Variants in UBE2D3 observed in about 807,000 individuals in gnomAD.
The protein encoded by UBE2D3 is ubiquitin conjugating enzyme E2 D3.
In UBE2D3, 2 loss-of-function variants were observed where a neutral mutation model predicts 22.8. The observed-to-expected ratio is 0.09, with a 90% confidence interval of 0.04 to 0.28. UBE2D3 has a LOEUF of 0.28. Among genes scored for constraint, UBE2D3 ranks in the 10% least tolerant of loss-of-function variants. UBE2D3 has a pLI of 1.00. For synonymous variants in UBE2D3, 56 were observed against 60.4 expected, an observed-to-expected ratio of 0.93 and a Z score of 0.34; for missense variants, 27 against 182.5, an observed-to-expected ratio of 0.15 and a Z score of 4.91.
In UBE2D3 at chr4:102,859,847, ATTTG is replaced by A. The variant is rs1207695867; in HGVS notation, c.-129+8864_-129+8867del. Among the ~76,000 whole-genome samples the A allele has an allele frequency of 2.0e-4, 29 of 143,852 alleles. 2 individuals are homozygous for A. Among genetic ancestry groups the A allele is most frequent in the African/African-American group, 4.0e-4 (16 of 40,188 alleles). 94.4% of individuals were successfully genotyped at this position (143,852 alleles called of 152,430 possible). On this transcript the variant is annotated intron_variant, in intron 1 of 7. Transcript: ENST00000338145. ...TTGTGTTCTTTAGTTTCAGAATTTG[ATTTG>A]TTTTTTTTTTTTGATATGGAGTCTC...
chr4:102,817,554 A>G (rs1728950256), intron 2 of UBE2D3, among the ~76,000 whole-genome samples: 1 of 152,198 alleles, frequency 6.6e-6, no homozygotes, highest in Non-Finnish European at 1.5e-5. Flanking sequence ...AAGTTTCAAA[A>G]AGGTTCCTTT....
chr4:102,848,557 A>G (rs1229536847), intron 1 of UBE2D3, among the ~76,000 whole-genome samples: 1 of 152,164 alleles, frequency 6.6e-6, no homozygotes, highest in South Asian at 2.1e-4. Context: ...AGACAGGAGA[A>G]TCGCATGAAC....
intron 6 of UBE2D3, 84 bp downstream of exon 6, chr4:102,801,370 A>G (rs1726129946): frequency 1.2e-5 from 14 of 1,203,156 alleles, no homozygotes; most frequent in African/African-American, 4.8e-5. Context: ...AAAAGCTGCC[A>G]TAATAAAAAT....
At chr4:102,846,780 C>T (rs1482841683) in intron 1 of UBE2D3, among the ~76,000 whole-genome samples, 2 of 151,950 alleles carry the variant, frequency 1.3e-5, no homozygotes, top group African/African-American at 4.8e-5. Flanking sequence ...GCTGGGACTA[C>T]AGGCGCAAAC....
At chr4:102,805,750 C>T (rs1726925549) in intron 4 of UBE2D3, among the ~76,000 whole-genome samples, 1 of 152,174 alleles carries the variant, frequency 6.6e-6, no homozygotes, top group Admixed American at 6.5e-5. Context: ...TTATTCATTC[C>T]AGGGCATATA....
chr4:102,838,807 CAAAAAAAAAAAAAA>C lies in UBE2D3; in HGVS notation c.-128-12185_-128-12172del, dbSNP rs145975514. Among the ~76,000 whole-genome samples the C allele has an allele frequency of 7.7e-4, 42 of 54,324 alleles. 1 individual carries two copies. The highest frequency in any genetic ancestry group is 2.9e-3 in the African/African-American group (40 of 13,632). 35.6% of individuals were successfully genotyped at this position (54,324 alleles called of 152,430 possible). The stretch of plus-strand genomic sequence containing the variant: ...GGATGCTAAACAAAACTGTGCTGGG[CAAAAAAAAAAAAAA>C]AAAAAAAAAAGAGGAAAAGGAAAGG... On this transcript the variant is annotated intron_variant, in intron 1 of 7. Transcript: ENST00000338145.
At chr4:102,865,403 G>A (rs223336) in intron 1 of UBE2D3, among the ~76,000 whole-genome samples, 86,906 of 150,824 alleles carry the variant, frequency 0.58, 26,267 homozygotes, top group African/African-American at 0.78. Context: ...GAGGCAGGAG[G>A]ATCACTTGAA....
chr4:102,833,156 T>G lies in UBE2D3; in HGVS notation c.-128-6520A>C, dbSNP rs552298263. On this transcript the variant is annotated intron_variant, in intron 1 of 7. Transcript: ENST00000338145. ...ACATGTGCTACATGTTTTTTTTTTT[T>G]GCAAATCAAATCTCCTCTTGAAACT... Among the ~76,000 whole-genome samples the G allele has an allele frequency of 9.2e-5, 14 of 151,936 alleles. No homozygotes were observed. The South Asian group carries it at 2.9e-3, about 32-fold the overall frequency.
chr4:102,822,007 T>C (rs552837358), intron 2 of UBE2D3, among the ~76,000 whole-genome samples: 2 of 152,358 alleles, frequency 1.3e-5, no homozygotes, highest in South Asian at 4.1e-4. Context: ...TTTTAATAGA[T>C]AGATTATAGC....
At chr4:102,858,519 A>G (rs891494720) in intron 1 of UBE2D3, among the ~76,000 whole-genome samples, 1 of 151,902 alleles carries the variant, frequency 6.6e-6, no homozygotes, top group Admixed American at 6.6e-5. Context: ...CTCTAGGAGT[A>G]TCAAATGAAG....
At chr4:102,832,449 G>A (rs1274546080), upstream of UBE2D3, among the ~76,000 whole-genome samples, 3 of 152,132 alleles carry the variant, frequency 2.0e-5, no homozygotes, top group Non-Finnish European at 2.9e-5. Flanking sequence ...AACAAAAATG[G>A]CCTGATCAGA....
chr4:102,848,808 G>T (rs1732179630), intron 1 of UBE2D3, among the ~76,000 whole-genome samples: 1 of 151,926 alleles, frequency 6.6e-6, no homozygotes, highest in African/African-American at 2.4e-5. Context: ...AATAGAGTGA[G>T]ACCTTGTCTC....
chr4:102,859,227 T>C (rs553412153), intron 1 of UBE2D3, among the ~76,000 whole-genome samples: 1 of 152,124 alleles, frequency 6.6e-6, no homozygotes, highest in Middle Eastern at 3.4e-3. Flanking sequence ...ATTTTGAGTA[T>C]ATCATCCCAT....
At chr4:102,798,068 G>GTGGTAAC (rs1725481978) in intron 7 of UBE2D3, among the ~76,000 whole-genome samples, 1 of 151,644 alleles carries the variant, frequency 6.6e-6, no homozygotes, top group Non-Finnish European at 1.5e-5. Flanking sequence ...TTTAATAAGT[G>GTGGTAAC]TGGTAACTGA....
intron 2 of UBE2D3, chr4:102,812,591 C>A (rs1728205524): frequency 6.6e-6 from 1 of 152,176 alleles, no homozygotes. Flanking sequence ...AACTGAGGAA[C>A]TGAACAAATC....
intron 1 of UBE2D3, among the ~76,000 whole-genome samples, chr4:102,857,221 T>C (rs954367464): frequency 6.6e-6 from 1 of 152,328 alleles, no homozygotes; most frequent in South Asian, 2.1e-4. Context: ...AAAAAGTCTT[T>C]GAAAAAACTT....
At chr4:102,853,681 A>C (rs1372073955) in intron 1 of UBE2D3, among the ~76,000 whole-genome samples, 2 of 152,188 alleles carry the variant, frequency 1.3e-5, no homozygotes, top group African/African-American at 4.8e-5. Context: ...TATTAATGGG[A>C]TAGGTGGTGG....
At chr4:102,867,910 T>A (rs578096484) in intron 1 of UBE2D3, among the ~76,000 whole-genome samples, 34 of 151,560 alleles carry the variant, frequency 2.2e-4, no homozygotes, top group East Asian at 3.9e-4. Flanking sequence ...TGAAAAAAAA[T>A]TTTTTTTTAG....
At chr4:102,860,223 C>A (rs1448514013) in intron 1 of UBE2D3, among the ~76,000 whole-genome samples, 2 of 151,696 alleles carry the variant, frequency 1.3e-5, no homozygotes, top group Non-Finnish European at 3.0e-5. Context: ...TCGTTTAGCT[C>A]ACTGAGATTC....
Sources: allele counts gnomAD v4.1 joint callset (sites outside exome capture counted in the v4.1 genomes callset), GRCh38; gene constraint gnomAD v4.1.1; transcripts MANE v1.5; gene names NCBI Gene and HGNC (gene_info 2026-07-23, HGNC 2026-07-21).